The following ACACB variants were observed in gnomAD, a reference collection of about 807,000 sequenced individuals.
The protein encoded by ACACB is acetyl-CoA carboxylase 2.
Under a neutral mutation model 278.8 loss-of-function variants are expected in ACACB, and 209 were observed. That is an observed-to-expected ratio of 0.75 (90% CI 0.67 to 0.84). The LOEUF is 0.84. Ranked by LOEUF, ACACB falls within the 40% of genes least tolerant of loss-of-function variation. The pLI, the probability that ACACB is intolerant of heterozygous loss-of-function variation, is 0.00. For synonymous variants in ACACB, 1,174 were observed against 1,285.6 expected, an observed-to-expected ratio of 0.91 and a Z score of 1.86; for missense variants, 2,850 against 3,269.0, an observed-to-expected ratio of 0.87 and a Z score of 3.13.
intron 37 of ACACB, among the ~76,000 whole-genome samples, chr12:109,243,891 A>ATT (rs201944868): frequency 0.029 from 4,136 of 140,856 alleles, 235 homozygotes; most frequent in African/African-American, 0.098. Context: ...ATATATATAT[A>ATT]TATATTTATT....
chr12:109,255,141 T>G (rs2047193269), intron 44 of ACACB, among the ~76,000 whole-genome samples: 1 of 152,042 alleles, frequency 6.6e-6, no homozygotes, highest in African/African-American at 2.4e-5. Context: ...TGAACACACA[T>G]GCACATGCAC....
chr12:109,191,903 T>C lies in ACACB; in HGVS notation c.2352T>C (p.Asp784=). 1 of 1,614,206 alleles carries C rather than the reference T, an allele frequency of 6.2e-7. No individual in the cohort carries two copies. Among genetic ancestry groups the C allele is most frequent in the Non-Finnish European group, 8.5e-7 (1 of 1,180,046 alleles). The change falls in exon 15 of 53, where the codon GAT becomes GAC. Residue 784 remains aspartate, a synonymous_variant. Coordinates refer to ENST00000338432, the MANE Select transcript of ACACB (RefSeq NM_001093.4). The part of the protein sequence containing the change: ...GVVCGALNVA[D]AMFRTCMTDF... ...TATGCGGGGCCTTGAACGTGGCCGA[T>C]GCGATGTTCAGAACGTGCATGACAG...
Position 109,222,663 on chromosome 12 carries a change from C to T in ACACB, c.3678+43C>T, listed in dbSNP as rs376282645. 2.2e-5 allele frequency: 35 copies of T among 1,568,848 alleles called. No homozygotes were observed. The African/African-American group carries it at 3.0e-4, about 13-fold the overall frequency. ...GGTCCCCACGATGTGCGTTTCCCCC[C>T]ACCCTCCTATGTGTCCCCTACCGTG... is the stretch of plus-strand genomic sequence containing the variant. On this transcript the variant is annotated intron_variant, in intron 25 of 52. Transcript: ENST00000338432.
At position 109,232,694 on chromosome 12, in the gene ACACB, A is replaced by G. The variant is rs767816226; in HGVS notation, c.4027A>G (p.Asn1343Asp). 8 of 1,613,976 alleles carry G rather than the reference A, an allele frequency of 5.0e-6. No homozygotes were observed. The African/African-American group carries it at 1.1e-4, about 22-fold the overall frequency. ...GATGACCGTGCCCATCAGCATCACC[A>G]ACCCTGACCTGCTGAGGCACAGCAC... ...NRMTVPISITNPDLLRHSTEL... is the reference protein window; with the variant it reads ...NRMTVPISITDPDLLRHSTEL... The change falls in exon 29 of 53, where the codon AAC (asparagine) becomes GAC (aspartate). Residue 1343 changes from asparagine (N) to aspartate (D), a missense_variant. This residue lies in a region of ACACB where 2,265 missense variants were observed against 2,561.3 expected (regional missense o/e 0.88). Transcript: ENST00000338432.
intron 18 of ACACB, among the ~76,000 whole-genome samples, chr12:109,200,050 C>A (rs998214820): frequency 4.1e-5 from 6 of 145,220 alleles, no homozygotes; most frequent in African/African-American, 1.5e-4. Context: ...AAAAAAAAAA[C>A]TTCAAAAAAT....
chr12:109,187,306 A>C (rs990058400), intron 12 of ACACB, among the ~76,000 whole-genome samples: 1 of 152,084 alleles, frequency 6.6e-6, no homozygotes, highest in Non-Finnish European at 1.5e-5. Context: ...CTTCACTTCT[A>C]TTTAAACTTT....
chr12:109,198,910 A>G (rs557524814), intron 17 of ACACB, among the ~76,000 whole-genome samples: 53 of 152,036 alleles, frequency 3.5e-4, no homozygotes, highest in African/African-American at 1.1e-3. Flanking sequence ...AGCCTTGGCC[A>G]GGCACAGTGG....
chr12:109,224,472 A>C (rs1337096759), intron 27 of ACACB, among the ~76,000 whole-genome samples: 4 of 151,592 alleles, frequency 2.6e-5, no homozygotes, highest in African/African-American at 9.7e-5. Flanking sequence ...GGTCTTCTTG[A>C]ATTCAGGAAC....
chr12:109,195,400 T>C (rs1326949845), intron 16 of ACACB, among the ~76,000 whole-genome samples: 1 of 152,238 alleles, frequency 6.6e-6, no homozygotes, highest in Non-Finnish European at 1.5e-5. Flanking sequence ...CTGTGTGTCA[T>C]TGATCAGGGT....
chr12:109,260,299 A>G, intron 47 of ACACB, 181 bp from the exon 48 acceptor site: 1 of 1,125,466 alleles, frequency 8.9e-7, no homozygotes, highest in South Asian at 1.4e-5. Context: ...CACTGGGTGA[A>G]TGACCTGTTC....
chr12:109,210,221 ATGTGTG>A (rs1187024302), intron 21 of ACACB, among the ~76,000 whole-genome samples: 137 of 11,920 alleles, frequency 0.011, 13 homozygotes, highest in African/African-American at 0.052. Flanking sequence ...ATATACACAC[ATGTGTG>A]TATATGTATA....
At chr12:109,158,513 C>T (rs984861660) in intron 2 of ACACB, among the ~76,000 whole-genome samples, 59 of 152,116 alleles carry the variant, frequency 3.9e-4, no homozygotes, top group African/African-American at 1.4e-3. Context: ...CCCGTCTCTA[C>T]AAAAATAAAC....
chr12:109,266,400 A>C lies in ACACB; in HGVS notation c.*38A>C. 6.4e-7 allele frequency: 1 copy of C among 1,574,580 alleles called. No individual in the cohort carries two copies. The highest frequency in any genetic ancestry group is 8.6e-7 in the Non-Finnish European group (1 of 1,164,332). On this transcript the variant is annotated 3_prime_UTR_variant, in exon 53 of 53. Coordinates refer to ENST00000338432, the MANE Select transcript of ACACB (RefSeq NM_001093.4). The stretch of plus-strand genomic sequence containing the variant: ...CAGCCACTCCCGGGACCACGGCAAA[A>C]GGAACCACCCAGACCCACCACCCGT...
chr12:109,265,594 C>G (rs1472452455), intron 52 of ACACB, 69 bp downstream of exon 52: 1 of 1,564,868 alleles, frequency 6.4e-7, no homozygotes, highest in Non-Finnish European at 8.7e-7. Context: ...CCCCTAGCTA[C>G]CCGACTCCTA....
chr12:109,259,644 C>T (rs1391126074), intron 47 of ACACB, among the ~76,000 whole-genome samples: 1 of 152,006 alleles, frequency 6.6e-6, no homozygotes, highest in Non-Finnish European at 1.5e-5. Flanking sequence ...AGAGGTCACA[C>T]CATGAGGTGC....
rs201382181 is a variant in ACACB at position 109,150,982 on chromosome 12, C to CTTT, written c.653+10936_653+10938dup. 3.0e-3 allele frequency among the ~76,000 whole-genome samples: 412 copies of CTTT among 137,348 alleles called. 6 individuals are homozygous for CTTT. Among genetic ancestry groups the CTTT allele is most frequent in the East Asian group, 0.015 (72 of 4,766 alleles). 90.1% of individuals were successfully genotyped at this position (137,348 alleles called of 152,430 possible). On this transcript the variant is annotated intron_variant, in intron 2 of 52. Coordinates refer to ENST00000338432, the MANE Select transcript of ACACB (RefSeq NM_001093.4). ...TTTTCTTTTCTTTTCTTTTTTCTTT[C>CTTT]TTTTTTTTTTTTTTGAGACGGAGTC... is the stretch of plus-strand genomic sequence containing the variant.
intron 9 of ACACB, among the ~76,000 whole-genome samples, chr12:109,177,776 C>T (rs964354794): frequency 1.3e-5 from 2 of 152,148 alleles, no homozygotes; most frequent in African/African-American, 4.8e-5. Flanking sequence ...TTTCCTGTTG[C>T]AGGATTCAGT....
In ACACB at chr12:109,210,280, CACAT is replaced by C. The variant is rs1440417265; in HGVS notation, c.3249+929_3249+932del. The stretch of plus-strand genomic sequence containing the variant: ...ATGTGTGTATATGTACATATACACA[CACAT>C]ATCTGTGTGTATATGTATATATACA... On this transcript the variant is annotated intron_variant, in intron 21 of 52. Coordinates refer to ENST00000338432, the MANE Select transcript of ACACB (RefSeq NM_001093.4). Among the ~76,000 whole-genome samples, 89 of 59,732 alleles carry C rather than the reference CACAT, an allele frequency of 1.5e-3. 11 individuals are homozygous for C. The highest frequency in any genetic ancestry group is 5.4e-3 in the African/African-American group (85 of 15,618). 39.2% of individuals were successfully genotyped at this position (59,732 alleles called of 152,430 possible).
upstream of ACACB, among the ~76,000 whole-genome samples, chr12:109,114,421 C>A (rs1224556593): frequency 6.6e-6 from 1 of 152,140 alleles, no homozygotes; most frequent in Non-Finnish European, 1.5e-5. Flanking sequence ...CAAAGCCAGA[C>A]CCCATCCCTG....
Sources: allele counts gnomAD v4.1 joint callset (sites outside exome capture counted in the v4.1 genomes callset), GRCh38; gene constraint gnomAD v4.1.1; regional missense constraint gnomAD v4.1.1; transcripts MANE v1.5; gene names NCBI Gene and HGNC (gene_info 2026-07-23, HGNC 2026-07-21).